The following RABGEF1 variants were observed in gnomAD, a reference collection of about 807,000 sequenced individuals.
RABGEF1 encodes the protein RAB guanine nucleotide exchange factor 1.
RABGEF1 carries 26 observed loss-of-function variants against 57.3 expected under a neutral mutation model. The observed-to-expected ratio is 0.45, with a 90% confidence interval of 0.33 to 0.63. The LOEUF (loss-of-function observed/expected upper bound fraction) is 0.63, where lower values mean the gene tolerates loss of function less well. RABGEF1 is among the 20% of genes least tolerant of loss of function. RABGEF1 has a pLI of 0.02. For synonymous variants in RABGEF1, 185 were observed against 210.7 expected (o/e 0.88, Z 1.06); for missense variants, 464 against 607.6 (o/e 0.76, Z 2.48).
chr7:66,738,030 T>TTTTTTTTTTTTGTTTTTG (rs1562756395), upstream of RABGEF1, among the ~76,000 whole-genome samples: 1 of 146,974 alleles, frequency 6.8e-6, no homozygotes, highest in Non-Finnish European at 1.5e-5. Context: ...TTTGTTTTTT[T>TTTTTTTTTTTTGTTTTTG]TTTTTTTTGA....
At chr7:66,778,499 C>A (rs2129130631) in intron 3 of RABGEF1, among the ~76,000 whole-genome samples, 1 of 152,270 alleles carries the variant, frequency 6.6e-6, no homozygotes, top group South Asian at 2.1e-4. Context: ...CCAAAGTGCC[C>A]TTTTCTTTCA....
At chr7:66,691,297 A>C (rs550104089) in intron 1 of RABGEF1, among the ~76,000 whole-genome samples, 48 of 152,236 alleles carry the variant, frequency 3.2e-4, no homozygotes, top group African/African-American at 1.1e-3. Context: ...AATTAAAAAT[A>C]TACATCTACA....
intron 1 of RABGEF1, among the ~76,000 whole-genome samples, chr7:66,694,499 C>T (rs2117168780): frequency 6.6e-6 from 1 of 152,280 alleles, no homozygotes; most frequent in South Asian, 2.1e-4. Context: ...GCCTGGAGGG[C>T]AGTGGGAAGC....
At chr7:66,660,943 T>A in the RABGEF1 span, among the ~76,000 whole-genome samples, 1 of 152,038 alleles carries the variant, frequency 6.6e-6, no homozygotes, top group South Asian at 2.1e-4. Flanking sequence ...AGTGCCAAAC[T>A]GGTTGGGCAC....
At chr7:66,777,687 G>A (rs1193004399) in intron 3 of RABGEF1, among the ~76,000 whole-genome samples, 9 of 152,070 alleles carry the variant, frequency 5.9e-5, no homozygotes, top group Admixed American at 5.9e-4. Flanking sequence ...CAGCTACTTG[G>A]AAGACTAAGG....
In RABGEF1 at chr7:66,730,644, C is replaced by T. The variant is rs118020877; in HGVS notation, c.-814-9352C>T. On this transcript the variant is annotated intron_variant and NMD_transcript_variant, in intron 2 of 9. Coordinates refer to the RABGEF1 transcript ENST00000607882. ...TACAGTCTCGGCTCACTGCAATGTC[C>T]GCCTCCCAGTTCAAGCAATTCTCCT... 2.6e-3 allele frequency among the ~76,000 whole-genome samples: 400 copies of T among 151,290 alleles called. 1 individual carries two copies. Among genetic ancestry groups the T allele is most frequent in the East Asian group, 7.6e-3 (39 of 5,134 alleles).
chr7:66,663,793 G>A, the RABGEF1 span, among the ~76,000 whole-genome samples: 2 of 151,958 alleles, frequency 1.3e-5, no homozygotes, highest in Non-Finnish European at 2.9e-5. Context: ...AGTGTGAATC[G>A]CTGGGCATGG....
the RABGEF1 span, among the ~76,000 whole-genome samples, chr7:66,655,672 C>G: frequency 8.5e-5 from 13 of 152,286 alleles, no homozygotes; most frequent in East Asian, 2.3e-3. Flanking sequence ...GCAGCTTTAA[C>G]TGCTGTTAAA....
chr7:66,695,591 G>T (rs976994484), intron 1 of RABGEF1, among the ~76,000 whole-genome samples: 1 of 152,104 alleles, frequency 6.6e-6, no homozygotes, highest in African/African-American at 2.4e-5. Context: ...GTTTTGGAGA[G>T]AGTGGGTCGT....
the RABGEF1 span, among the ~76,000 whole-genome samples, chr7:66,662,248 A>AG: frequency 6.6e-6 from 1 of 151,958 alleles, no homozygotes; most frequent in African/African-American, 2.4e-5. Flanking sequence ...CAAAAAAAAA[A>AG]AAAAAAAATT....
At chr7:66,726,108 G>A (rs1221674690) in intron 2 of RABGEF1, among the ~76,000 whole-genome samples, 1 of 152,186 alleles carries the variant, frequency 6.6e-6, no homozygotes, top group Non-Finnish European at 1.5e-5. Context: ...CTCAGACAGG[G>A]CCAGAAGGGA....
At position 66,810,689 on chromosome 7, in the gene RABGEF1, T is replaced by C. The variant is rs1238158651; in HGVS notation, c.*1405T>C. The stretch of plus-strand genomic sequence containing the variant: ...TCCATTCAGTGACATCCACAGATTA[T>C]GCAGCTATACTTGTGAAATCGTGCA... On this transcript the variant is annotated 3_prime_UTR_variant, in exon 9 of 9. Coordinates refer to ENST00000284957, the MANE Select transcript of RABGEF1 (RefSeq NM_014504.3). The C allele has an allele frequency of 1.3e-5, 2 of 152,270 alleles. No homozygotes were observed. The highest frequency in any genetic ancestry group is 1.5e-5 in the Non-Finnish European group (1 of 68,052). 9.4% of individuals were successfully genotyped at this position (152,270 alleles called of 1,614,324 possible).
the RABGEF1 span, among the ~76,000 whole-genome samples, chr7:66,671,890 C>T: frequency 6.6e-6 from 1 of 150,628 alleles, no homozygotes; most frequent in African/African-American, 2.4e-5. Flanking sequence ...GAGCACAACT[C>T]ACTACAGCCT....
At chr7:66,756,192 A>G (rs1418414891) in intron 1 of RABGEF1, 11 of 597,670 alleles carry the variant, frequency 1.8e-5, no homozygotes, top group Non-Finnish European at 3.0e-5. Flanking sequence ...GCTAATAAAT[A>G]TCTCTAAAGA....
chr7:66,694,587 A>G (rs369248630), intron 1 of RABGEF1, among the ~76,000 whole-genome samples: 6 of 152,220 alleles, frequency 3.9e-5, no homozygotes, highest in Non-Finnish European at 5.9e-5. Context: ...TTGGCTCCCT[A>G]TGGAGAACCA....
chr7:66,701,865 T>G (rs979661386), intron 1 of RABGEF1, among the ~76,000 whole-genome samples: 1 of 152,188 alleles, frequency 6.6e-6, no homozygotes, highest in African/African-American at 2.4e-5. Flanking sequence ...GTGGTTTGTT[T>G]ATTAATTTTT....
intron 1 of RABGEF1, among the ~76,000 whole-genome samples, chr7:66,687,643 G>A (rs531327504): frequency 6.6e-6 from 1 of 152,126 alleles, no homozygotes; most frequent in Non-Finnish European, 1.5e-5. Flanking sequence ...ATAGGTGGAT[G>A]ACAGAGCCTT....
chr7:66,678,445 G>C (rs1240234527), upstream of RABGEF1, among the ~76,000 whole-genome samples: 1 of 151,174 alleles, frequency 6.6e-6, no homozygotes, highest in East Asian at 1.9e-4. Flanking sequence ...GGCGCCTGTA[G>C]TCCCAGCTAC....
At chr7:66,749,498 T>C (rs1033966434) in intron 1 of RABGEF1, among the ~76,000 whole-genome samples, 1 of 152,162 alleles carries the variant, frequency 6.6e-6, no homozygotes. Context: ...AAATACAAAG[T>C]GTAAAAACAA....
Sources: gnomAD v4.1 joint callset for allele counts (sites outside exome capture counted in the v4.1 genomes callset) on GRCh38, gnomAD v4.1.1 for gene constraint, MANE v1.5 for transcripts, NCBI Gene and HGNC (gene_info 2026-07-23, HGNC 2026-07-21) for gene names.